PRRC1: variants seen among roughly 807,000 people sequenced by gnomAD.
PRRC1 encodes the protein proline rich coiled-coil 1, also known as protein PRRC1.
A neutral mutation model predicts 40.7 loss-of-function variants in PRRC1; 39 were observed. The ratio of observed to expected loss-of-function variants is 0.96; its 90% CI spans 0.74 to 1.25. PRRC1 has a LOEUF of 1.25. Among genes scored for constraint, PRRC1 ranks in the 50% most tolerant of loss-of-function variants. The pLI is 0.00. For synonymous variants in PRRC1, 175 were observed against 193.3 expected, an observed-to-expected ratio of 0.91 and a Z score of 0.79; for missense variants, 573 against 548.3, an observed-to-expected ratio of 1.05 and a Z score of -0.45.
In PRRC1 at chr5:127,528,353, C is replaced by T. The variant is rs1210880618; in HGVS notation, c.654+1575C>T. 3.9e-5 allele frequency among the ~76,000 whole-genome samples: 6 copies of T among 151,994 alleles called. No individual in the cohort carries two copies. The South Asian group carries it at 1.2e-3, about 32-fold the overall frequency. The stretch of plus-strand genomic sequence containing the variant: ...TTTTGAGACAAAGTCTCGCTCTTGT[C>T]GCCCAGGCTGGAGTGCAGTGGTGCG... On this transcript the variant is annotated intron_variant, in intron 4 of 8. Coordinates refer to ENST00000296666, the MANE Select transcript of PRRC1 (RefSeq NM_130809.5).
chr5:127,525,226 T>G (rs1020370963), intron 3 of PRRC1, among the ~76,000 whole-genome samples: 17 of 152,240 alleles, frequency 1.1e-4, no homozygotes, highest in African/African-American at 3.9e-4. Context: ...TCCTGGTCAT[T>G]TCATATAGAT....
chr5:127,521,236 A>T (rs1767450149), intron 1 of PRRC1, among the ~76,000 whole-genome samples: 1 of 152,156 alleles, frequency 6.6e-6, no homozygotes, highest in South Asian at 2.1e-4. Context: ...AGCCTCTATC[A>T]ACTGCTCTGA....
chr5:127,523,349 A>AG (rs1767513349), intron 1 of PRRC1, 111 bp from the exon 2 acceptor site: 2 of 516,080 alleles, frequency 3.9e-6, no homozygotes, highest in African/African-American at 3.8e-5. Context: ...TAAACAGTAA[A>AG]GGTGGACATC....
intron 4 of PRRC1, among the ~76,000 whole-genome samples, chr5:127,527,094 G>A (rs2127094082): frequency 6.6e-6 from 1 of 152,160 alleles, no homozygotes; most frequent in Admixed American, 6.5e-5. Flanking sequence ...TTCTCTTATG[G>A]CTGCTTCACC....
chr5:127,547,480 C>T lies in PRRC1; in HGVS notation c.1026-339C>T, dbSNP rs548769947. On this transcript the variant is annotated intron_variant, in intron 7 of 8. Coordinates refer to ENST00000296666, the MANE Select transcript of PRRC1 (RefSeq NM_130809.5). The stretch of plus-strand genomic sequence containing the variant: ...CAAGTGACAATTGAAAAATATTACT[C>T]ATAAGCTGTTTGCATATTCAATGTA... 2.0e-3 allele frequency among the ~76,000 whole-genome samples: 307 copies of T among 152,126 alleles called. 1 individual carries two copies. The highest frequency in any genetic ancestry group is 3.9e-3 in the Non-Finnish European group (266 of 67,934).
At chr5:127,527,176 TA>T (rs1767640509) in intron 4 of PRRC1, among the ~76,000 whole-genome samples, 1 of 152,342 alleles carries the variant, frequency 6.6e-6, no homozygotes, top group South Asian at 2.1e-4. Flanking sequence ...TAATTGTAAT[TA>T]TTTTTTTTAA....
At chr5:127,546,359 C>T (rs1209850299) in intron 7 of PRRC1, among the ~76,000 whole-genome samples, 1 of 152,204 alleles carries the variant, frequency 6.6e-6, no homozygotes, top group African/African-American at 2.4e-5. Context: ...TTTAAATCCT[C>T]ATCTACTGAT....
chr5:127,521,512 G>A (rs997154370), intron 1 of PRRC1, among the ~76,000 whole-genome samples: 2 of 152,172 alleles, frequency 1.3e-5, no homozygotes, highest in Non-Finnish European at 2.9e-5. Flanking sequence ...CCTTGTTCAG[G>A]TGTGCTCTTG....
In PRRC1 at chr5:127,553,647, TCTG is replaced by T. The variant is rs762537080; in HGVS notation, c.*1734_*1736del. On this transcript the variant is annotated 3_prime_UTR_variant, in exon 9 of 9. Transcript: ENST00000296666. ...GAAGCATGTCCTTACTTAAAATAGTTCTGCTACTTTCCCTCCTATTATAAGGAA... is the reference window on the plus strand; with the variant it reads ...GAAGCATGTCCTTACTTAAAATAGTTCTACTTTCCCTCCTATTATAAGGAA... 9.7e-5 allele frequency: 138 copies of T among 1,427,190 alleles called. No individual in the cohort carries two copies. In the South Asian group the frequency reaches 1.8e-3, roughly 19 times the overall value. 88.4% of individuals were successfully genotyped at this position (1,427,190 alleles called of 1,614,324 possible). A position where few individuals can be genotyped will look rare whatever the true frequency, so the allele number is the denominator to read the frequency against.
In PRRC1 at chr5:127,554,052, T is replaced by C. The variant is rs375542601; in HGVS notation, c.*2136T>C. Reference sequence around the variant, plus strand: ...CACATGCTCAGCTTTCTCAGCCTTTTGTTTATTTTGTTGTCCTTAGATTTC... The same window carrying C: ...CACATGCTCAGCTTTCTCAGCCTTTCGTTTATTTTGTTGTCCTTAGATTTC... On this transcript the variant is annotated 3_prime_UTR_variant, in exon 9 of 9. Coordinates refer to ENST00000296666, the MANE Select transcript of PRRC1 (RefSeq NM_130809.5). 9.6e-6 allele frequency: 7 copies of C among 726,496 alleles called. No homozygotes were observed. Among genetic ancestry groups the C allele is most frequent in the African/African-American group, 9.0e-5 (5 of 55,664 alleles). The allele number at this position is 726,496 out of a possible 1,614,324, so 45.0% of individuals were successfully genotyped here.
intron 2 of PRRC1, 26 bp downstream of exon 2, chr5:127,523,608 T>C (rs1300519390): frequency 6.9e-7 from 1 of 1,440,184 alleles, no homozygotes; most frequent in Non-Finnish European, 9.6e-7. Context: ...TAACATCTCG[T>C]GTGTTTTGAG....
At chr5:127,519,671 T>A (rs1043822889) in intron 1 of PRRC1, among the ~76,000 whole-genome samples, 1 of 152,222 alleles carries the variant, frequency 6.6e-6, no homozygotes, top group African/African-American at 2.4e-5. Flanking sequence ...TGGTTTAACA[T>A]CATATTCTCT....
At chr5:127,534,079 A>G (rs953018776) in intron 6 of PRRC1, among the ~76,000 whole-genome samples, 4 of 152,182 alleles carry the variant, frequency 2.6e-5, no homozygotes, top group African/African-American at 9.7e-5. Context: ...ATTCAAATCA[A>G]TTACTGAGAT....
At chr5:127,532,295 G>A (rs1468990761) in intron 5 of PRRC1, among the ~76,000 whole-genome samples, 1 of 152,070 alleles carries the variant, frequency 6.6e-6, no homozygotes, top group East Asian at 1.9e-4. Flanking sequence ...TTTTAGTAGA[G>A]ATGGGGTTTC....
intron 2 of PRRC1, 22 bp from the exon 3 acceptor site, chr5:127,524,509 T>A: frequency 1.3e-6 from 2 of 1,576,684 alleles, no homozygotes; most frequent in Non-Finnish European, 8.6e-7. Context: ...TCTGTGCTTT[T>A]ATCCTCTCCA....
intron 6 of PRRC1, among the ~76,000 whole-genome samples, chr5:127,535,082 A>G (rs1216100785): frequency 7.9e-6 from 1 of 127,184 alleles, no homozygotes; most frequent in Non-Finnish European, 1.7e-5. Context: ...CTCCCAGGGG[A>G]GATACGATGG....
At position 127,541,618 on chromosome 5, in the gene PRRC1, G is replaced by A. The variant is rs1233341133; in HGVS notation, c.1025+2475G>A. Among the ~76,000 whole-genome samples the A allele has an allele frequency of 5.9e-5, 9 of 152,238 alleles. 1 individual carries two copies. Among genetic ancestry groups the A allele is most frequent in the South Asian group, 2.1e-4 (1 of 4,828 alleles). On this transcript the variant is annotated intron_variant, in intron 7 of 8. Coordinates refer to ENST00000296666, the MANE Select transcript of PRRC1 (RefSeq NM_130809.5). ...TTAGTCTTGGGAGAGTGTATGTATC[G>A]AGGAATTTATCCATTTCTTCTAGAT...
In PRRC1 at chr5:127,552,868, T is replaced by C. The variant is rs1768428889; in HGVS notation, c.*952T>C. ...TTATTTGGTTTGCCTTAAGCATTACTTTTTTAACTTTGTGCCATTTGGTCT... is the reference window on the plus strand; with the variant it reads ...TTATTTGGTTTGCCTTAAGCATTACCTTTTTAACTTTGTGCCATTTGGTCT... On this transcript the variant is annotated 3_prime_UTR_variant, in exon 9 of 9. Transcript: ENST00000296666. 2.0e-6 allele frequency: 2 copies of C among 976,890 alleles called. No homozygotes were observed. The highest frequency in any genetic ancestry group is 1.1e-3 in the Middle Eastern group (2 of 1,900). The allele number at this position is 976,890 out of a possible 1,614,324, so 60.5% of individuals were successfully genotyped here. A position where few individuals can be genotyped will look rare whatever the true frequency, so the allele number is the denominator to read the frequency against.
chr5:127,518,254 A>G (rs1022904889), intron 1 of PRRC1, among the ~76,000 whole-genome samples: 1 of 152,234 alleles, frequency 6.6e-6, no homozygotes, highest in Non-Finnish European at 1.5e-5. Flanking sequence ...GGAGAGGCCC[A>G]GGAGGCTCGA....
Sources: gnomAD v4.1 joint callset for allele counts (sites outside exome capture counted in the v4.1 genomes callset) on GRCh38, gnomAD v4.1.1 for gene constraint, MANE v1.5 for transcripts, NCBI Gene and HGNC (gene_info 2026-07-23, HGNC 2026-07-21) for gene names.